MCC: variants seen among roughly 807,000 people sequenced by gnomAD.
The protein encoded by MCC is colorectal mutant cancer protein.
MCC carries 90 observed loss-of-function variants against 116.2 expected under a neutral mutation model. The ratio of observed to expected loss-of-function variants is 0.77; its 90% CI spans 0.65 to 0.92. The LOEUF is 0.92. Ranked by LOEUF, MCC falls within the 40% of genes least tolerant of loss-of-function variation. MCC has a pLI of 0.00. For missense variants in MCC, 1,516 were observed against 1,312.2 expected, an observed-to-expected ratio of 1.16 and a Z score of -2.40; for synonymous variants, 578 against 510.5, an observed-to-expected ratio of 1.13 and a Z score of -1.78.
In MCC at chr5:113,237,723, GC is replaced by G. The variant is rs140572856; in HGVS notation, c.628-86302del. Among the ~76,000 whole-genome samples the G allele has an allele frequency of 5.5e-3, 841 of 152,302 alleles. 9 individuals are homozygous for G. The highest frequency in any genetic ancestry group is 0.02 in the African/African-American group (814 of 41,548). The stretch of plus-strand genomic sequence containing the variant: ...GGAACTTCCTCATTGATTAGTCTCA[GC>G]TCCGCGATAATTTCTGACTGATTCA... On this transcript the variant is annotated intron_variant, in intron 3 of 18. Coordinates refer to ENST00000408903, the MANE Select transcript of MCC (RefSeq NM_001085377.2).
chr5:113,378,719 G>A (rs1272708486), intron 2 of MCC, among the ~76,000 whole-genome samples: 6 of 152,082 alleles, frequency 3.9e-5, no homozygotes, highest in South Asian at 2.1e-4. Context: ...CTGAAGCACT[G>A]CCCCTTTCAC....
intron 1 of MCC, among the ~76,000 whole-genome samples, chr5:113,466,227 C>T (rs1771902823): frequency 6.6e-6 from 1 of 151,316 alleles, no homozygotes. Context: ...TACATGTGCA[C>T]AACGTGCAGG....
chr5:113,201,028 C>T (rs1490725083), intron 3 of MCC, among the ~76,000 whole-genome samples: 1 of 152,100 alleles, frequency 6.6e-6, no homozygotes, highest in East Asian at 1.9e-4. Context: ...TTATATGGAA[C>T]CCCTTACACA....
chr5:113,191,806 C>A (rs753137086), intron 3 of MCC, among the ~76,000 whole-genome samples: 4 of 152,290 alleles, frequency 2.6e-5, no homozygotes, highest in East Asian at 1.9e-4. Context: ...CCCATGAAGG[C>A]CAAAGGCTTT....
chr5:113,399,112 A>G (rs976404535), intron 1 of MCC, among the ~76,000 whole-genome samples: 4 of 152,252 alleles, frequency 2.6e-5, no homozygotes, highest in African/African-American at 9.6e-5. Flanking sequence ...AAGTTCTAAC[A>G]CTGGAAAAAA....
intron 3 of MCC, among the ~76,000 whole-genome samples, chr5:113,246,129 A>C (rs146439569): frequency 4.6e-5 from 7 of 152,348 alleles, no homozygotes; most frequent in African/African-American, 1.2e-4. Flanking sequence ...AGAGAATTTG[A>C]TAAACCATGG....
At chr5:113,222,429 A>C (rs895646049) in intron 3 of MCC, among the ~76,000 whole-genome samples, 1 of 152,192 alleles carries the variant, frequency 6.6e-6, no homozygotes, top group Non-Finnish European at 1.5e-5. Flanking sequence ...TCTTGGCCTC[A>C]TAAAGTTCCT....
At chr5:113,260,214 G>A (rs1765170295) in intron 3 of MCC, among the ~76,000 whole-genome samples, 1 of 152,054 alleles carries the variant, frequency 6.6e-6, no homozygotes, top group Non-Finnish European at 1.5e-5. Flanking sequence ...TATATCCACT[G>A]TTATTTATCA....
intron 3 of MCC, among the ~76,000 whole-genome samples, chr5:113,160,989 A>G (rs957760400): frequency 4.0e-4 from 61 of 152,322 alleles, no homozygotes; most frequent in African/African-American, 1.3e-3. Flanking sequence ...AAAAATTAAA[A>G]ATCTAAACAG....
At chr5:113,400,166 A>C (rs1331315463) in intron 1 of MCC, among the ~76,000 whole-genome samples, 2 of 113,742 alleles carry the variant, frequency 1.8e-5, no homozygotes, top group African/African-American at 7.3e-5. Context: ...TGTGTCGCCC[A>C]GGCTGGAGTG....
intron 1 of MCC, among the ~76,000 whole-genome samples, chr5:113,417,514 A>G (rs910321020): frequency 1.3e-5 from 2 of 149,376 alleles, no homozygotes; most frequent in Non-Finnish European, 3.0e-5. Flanking sequence ...GGCACCAAAT[A>G]GTTTCCCATT....
At chr5:113,392,475 A>C (rs993344197) in intron 1 of MCC, among the ~76,000 whole-genome samples, 2 of 152,122 alleles carry the variant, frequency 1.3e-5, no homozygotes, top group Non-Finnish European at 2.9e-5. Context: ...TGGTGGAAGA[A>C]AAGCTGGTAC....
chr5:113,405,998 C>T (rs528825227), intron 1 of MCC, among the ~76,000 whole-genome samples: 35 of 152,260 alleles, frequency 2.3e-4, no homozygotes, highest in Non-Finnish European at 4.7e-4. Flanking sequence ...ACTCCATCCC[C>T]CTTCTAAATA....
At chr5:113,324,156 A>G (rs1009350291) in intron 3 of MCC, among the ~76,000 whole-genome samples, 1 of 152,174 alleles carries the variant, frequency 6.6e-6, no homozygotes, top group African/African-American at 2.4e-5. Context: ...TGGTTTCTAT[A>G]GAACCCCAGA....
chr5:113,315,060 A>C (rs976437372), intron 3 of MCC, among the ~76,000 whole-genome samples: 20 of 152,240 alleles, frequency 1.3e-4, no homozygotes, highest in African/African-American at 4.6e-4. Flanking sequence ...TCAGTAAATA[A>C]GAAACTGTTT....
intron 8 of MCC, among the ~76,000 whole-genome samples, chr5:113,095,793 A>T (rs1755970292): frequency 6.6e-6 from 1 of 151,964 alleles, no homozygotes; most frequent in Non-Finnish European, 1.5e-5. Flanking sequence ...GAGGTATCTG[A>T]TTTTAATCTG....
At chr5:113,031,225 C>A (rs1026537181) in intron 17 of MCC, among the ~76,000 whole-genome samples, 2 of 152,138 alleles carry the variant, frequency 1.3e-5, no homozygotes, top group African/African-American at 4.8e-5. Flanking sequence ...CAGCCCAGAA[C>A]TCATTTTTCA....
chr5:113,424,241 A>C (rs527806852), intron 1 of MCC, among the ~76,000 whole-genome samples: 43 of 152,064 alleles, frequency 2.8e-4, no homozygotes, highest in African/African-American at 9.6e-4. Flanking sequence ...CTGAAGACTA[A>C]TAGGTATTTG....
chr5:113,375,277 T>G (rs965284216), intron 2 of MCC, among the ~76,000 whole-genome samples: 1 of 152,180 alleles, frequency 6.6e-6, no homozygotes, highest in African/African-American at 2.4e-5. Flanking sequence ...TTTCTGACAA[T>G]GATTCTCCTT....
Sources: gnomAD v4.1 joint callset for allele counts (sites outside exome capture counted in the v4.1 genomes callset) on GRCh38, gnomAD v4.1.1 for gene constraint, MANE v1.5 for transcripts, NCBI Gene and HGNC (gene_info 2026-07-23, HGNC 2026-07-21) for gene names.